SHROOM2: variants seen among roughly 807,000 people sequenced by gnomAD.
SHROOM2 encodes the protein shroom family member 2.
In SHROOM2, 33 loss-of-function variants were observed where a neutral mutation model predicts 75.9. The ratio of observed to expected loss-of-function variants is 0.43; its 90% CI spans 0.33 to 0.58. The LOEUF (loss-of-function observed/expected upper bound fraction) is 0.58. Ranked by LOEUF, SHROOM2 falls within the 20% of genes least tolerant of loss-of-function variation. The pLI, the probability that SHROOM2 is intolerant of heterozygous loss-of-function variation, is 0.04. For missense variants in SHROOM2, 1,434 were observed against 1,461.2 expected, an observed-to-expected ratio of 0.98 and a Z score of 0.30; for synonymous variants, 655 against 663.6, an observed-to-expected ratio of 0.99 and a Z score of 0.20.
At chrX:9,881,118 C>T (rs1037499890) in intron 2 of SHROOM2, among the ~76,000 whole-genome samples, 6 of 110,909 alleles carry the variant, frequency 5.4e-5, no homozygotes, top group African/African-American at 2.0e-4. Flanking sequence ...CGAGTAGTTC[C>T]GACGTCCAGA....
intron 1 of SHROOM2, among the ~76,000 whole-genome samples, chrX:9,871,255 C>T (rs937418056): frequency 8.0e-5 from 9 of 112,279 alleles, no homozygotes; most frequent in South Asian, 3.7e-4. Flanking sequence ...TTTCTAGCAT[C>T]GAAATACAGA....
intron 1 of SHROOM2, among the ~76,000 whole-genome samples, chrX:9,853,670 C>T (rs570316029): frequency 1.2e-4 from 13 of 112,083 alleles, no homozygotes; most frequent in African/African-American, 3.6e-4. Flanking sequence ...CTCCCTAATT[C>T]AGGATGACAT....
intron 5 of SHROOM2, among the ~76,000 whole-genome samples, chrX:9,918,883 C>T (rs1449969779): frequency 8.9e-6 from 1 of 111,860 alleles, no homozygotes; most frequent in African/African-American, 3.3e-5. Context: ...CATCCTATCC[C>T]ATTGGGGTTA....
intron 1 of SHROOM2, among the ~76,000 whole-genome samples, chrX:9,813,232 G>C (rs1337589061): frequency 9.0e-6 from 1 of 111,717 alleles, no homozygotes; most frequent in African/African-American, 3.3e-5. Context: ...CAATGTGGGG[G>C]TTCTGCCAGC....
chrX:9,849,949 G>A (rs1485603137), intron 1 of SHROOM2, among the ~76,000 whole-genome samples: 1 of 112,425 alleles, frequency 8.9e-6, no homozygotes, highest in African/African-American at 3.2e-5. Flanking sequence ...CGTTGAAGCA[G>A]AGCAGGTACC....
At chrX:9,938,781 C>T (rs772996722) in intron 7 of SHROOM2, among the ~76,000 whole-genome samples, 1 of 110,418 alleles carries the variant, frequency 9.1e-6, no homozygotes, top group East Asian at 2.9e-4. Flanking sequence ...AGCAGCTGGA[C>T]CAAGTGGACC....
At chrX:9,855,634 C>G (rs2084065486) in intron 1 of SHROOM2, among the ~76,000 whole-genome samples, 2 of 111,774 alleles carry the variant, frequency 1.8e-5, no homozygotes. Context: ...AACAAGGCTG[C>G]TACGGTTTCA....
At chrX:9,792,009 T>G (rs757748119) in intron 1 of SHROOM2, among the ~76,000 whole-genome samples, 6 of 233 alleles carry the variant, frequency 0.026, no homozygotes, top group Non-Finnish European at 0.2. Flanking sequence ...TAGAATAGAA[T>G]AGAATAGAAT....
intron 1 of SHROOM2, among the ~76,000 whole-genome samples, chrX:9,863,371 T>G (rs1223798261): frequency 9.0e-6 from 1 of 110,821 alleles, no homozygotes; most frequent in Non-Finnish European, 1.9e-5. Context: ...TGACACTCCC[T>G]TGGCCTGTGT....
chrX:9,872,972 A>G (rs181551196), intron 1 of SHROOM2, among the ~76,000 whole-genome samples: 6,324 of 112,530 alleles, frequency 0.056, 403 homozygotes, highest in African/African-American at 0.19. Context: ...GTACTGCTAC[A>G]TGCTACAACG....
At chrX:9,872,598 T>C (rs5934711) in intron 1 of SHROOM2, among the ~76,000 whole-genome samples, 59,485 of 110,986 alleles carry the variant, frequency 0.54, 14,347 homozygotes, top group Non-Finnish European at 0.76. Context: ...AGCTGTAGAA[T>C]GGATGGCATT....
In SHROOM2 at chrX:9,923,332, G is replaced by T. The variant is rs953652609; in HGVS notation, c.2892-8843G>T. On this transcript the variant is annotated intron_variant, in intron 5 of 9. Coordinates refer to ENST00000380913, the MANE Select transcript of SHROOM2 (RefSeq NM_001649.4). ...GGAAGAGGGCAGTGGGGGGCGGGGG[G>T]TGCACTCAATCTTACCATTTTCACA... Among the ~76,000 whole-genome samples, 7 of 110,915 alleles carry T rather than the reference G, an allele frequency of 6.3e-5. No individual in the cohort carries two copies. In the South Asian group the frequency reaches 2.3e-3, roughly 37 times the overall value.
intron 1 of SHROOM2, among the ~76,000 whole-genome samples, chrX:9,807,034 C>T (rs1262039224): frequency 3.6e-5 from 4 of 111,704 alleles, no homozygotes; most frequent in Non-Finnish European, 7.5e-5. Context: ...CAACTTTAAT[C>T]CTTTTTTATG....
chrX:9,809,808 A>G (rs1322737287), intron 1 of SHROOM2, among the ~76,000 whole-genome samples: 2 of 111,848 alleles, frequency 1.8e-5, no homozygotes, highest in Non-Finnish European at 3.8e-5. Context: ...AGCTGGGACT[A>G]CAGGCGTGCA....
chrX:9,922,583 G>A (rs1187532325), intron 5 of SHROOM2, among the ~76,000 whole-genome samples: 2 of 110,656 alleles, frequency 1.8e-5, no homozygotes, highest in Non-Finnish European at 3.8e-5. Context: ...TCTCACTGCT[G>A]TGTCTCGGTA....
At chrX:9,859,569 G>A (rs1038943862) in intron 1 of SHROOM2, among the ~76,000 whole-genome samples, 1 of 111,475 alleles carries the variant, frequency 9.0e-6, no homozygotes, top group Admixed American at 9.6e-5. Context: ...TCAAGATGGC[G>A]TCCTGAGGGC....
intron 5 of SHROOM2, among the ~76,000 whole-genome samples, chrX:9,907,628 G>T (rs1401453392): frequency 2.7e-5 from 3 of 111,588 alleles, no homozygotes. Flanking sequence ...CTACTTGGAA[G>T]AATATGATAA....
At position 9,818,746 on chromosome X, in the gene SHROOM2, C is replaced by A. The variant is rs2083836272; in HGVS notation, c.165+32036C>A. 1.1e-5 allele frequency: 5 copies of A among 463,005 alleles called. No homozygotes were observed. In the East Asian group the frequency reaches 1.9e-4, roughly 18 times the overall value. The allele number at this position is 463,005 out of a possible 1,213,427, so 38.2% of individuals were successfully genotyped here. On this transcript the variant is annotated intron_variant, in intron 1 of 9. Coordinates refer to ENST00000380913, the MANE Select transcript of SHROOM2 (RefSeq NM_001649.4). ...TGCTTCAGTAACAATTTCTTTGTCA[C>A]ATAAATCAATGATACCCTCTTCTTT...
intron 1 of SHROOM2, among the ~76,000 whole-genome samples, chrX:9,819,967 T>G (rs925075843): frequency 9.2e-6 from 1 of 108,445 alleles, no homozygotes; most frequent in African/African-American, 3.4e-5. Flanking sequence ...CTAATTTTTT[T>G]AATTTTTATT....
Sources: allele counts gnomAD v4.1 joint callset (sites outside exome capture counted in the v4.1 genomes callset), GRCh38; gene constraint gnomAD v4.1.1; transcripts MANE v1.5; gene names NCBI Gene and HGNC (gene_info 2026-07-23, HGNC 2026-07-21).